Variants in SLC47A1 observed in about 807,000 individuals in gnomAD.
The protein encoded by SLC47A1 is solute carrier family 47 member 1.
Under a neutral mutation model 65.8 loss-of-function variants are expected in SLC47A1, and 58 were observed. The ratio of observed to expected loss-of-function variants is 0.88; its 90% confidence interval spans 0.71 to 1.10. The LOEUF is 1.10. SLC47A1 is among the 50% of genes least tolerant of loss of function. The pLI, the probability that SLC47A1 is intolerant of heterozygous loss-of-function variation, is 0.00. For synonymous variants in SLC47A1, 285 were observed against 295.0 expected, an observed-to-expected ratio of 0.97 and a Z score of 0.35; for missense variants, 706 against 719.2, an observed-to-expected ratio of 0.98 and a Z score of 0.21.
chr17:19,544,050 G>C (rs942076045), intron 2 of SLC47A1, among the ~76,000 whole-genome samples: 1 of 152,170 alleles, frequency 6.6e-6, no homozygotes, highest in Admixed American at 6.5e-5. Flanking sequence ...CCACCTCCCG[G>C]GTTCAAATGA....
chr17:19,533,968 T>G lies in SLC47A1; in HGVS notation c.29T>G (p.Val10Gly), dbSNP rs750264871. Residue 10 changes from valine (V) to glycine (G), a missense_variant, in exon 1 of 17, where the codon GTG becomes GGG. Val to Gly is a moderately radical substitution (Grantham distance 109). Coordinates refer to ENST00000270570, the MANE Select transcript of SLC47A1 (RefSeq NM_018242.3). The part of the protein sequence containing the change: MEAPEEPAP[V>G]RGGPEATLEV... ...GAAGCTCCTGAGGAGCCCGCGCCAG[T>G]GCGCGGAGGCCCGGAGGCCACCCTT... 26 of 1,536,384 alleles carry G rather than the reference T, an allele frequency of 1.7e-5. No homozygotes were observed. The highest frequency in any genetic ancestry group is 2.2e-4 in the Middle Eastern group (1 of 4,650).
chr17:19,538,110 G>A (rs963027699), intron 1 of SLC47A1, among the ~76,000 whole-genome samples: 4 of 152,238 alleles, frequency 2.6e-5, no homozygotes, highest in African/African-American at 9.6e-5. Context: ...AAGTCAAAAT[G>A]CCTCTAAAGG....
intron 4 of SLC47A1, 152 bp from the exon 5 acceptor site, chr17:19,549,483 C>T (rs769217172): frequency 3.0e-5 from 23 of 758,724 alleles, no homozygotes; most frequent in Non-Finnish European, 4.6e-5. Context: ...CGTGAGCCAC[C>T]GCGCCCGGCC....
rs772014453 is a variant in SLC47A1 at position 19,555,905 on chromosome 17, C to T, written c.849C>T (p.Leu283=). 1.9e-6 allele frequency: 3 copies of T among 1,614,042 alleles called. No homozygotes were observed. Among genetic ancestry groups the T allele is most frequent in the Non-Finnish European group, 1.7e-6 (2 of 1,180,010 alleles). ...EWWAYEVGSF[L]SGILGMVELG... is the part of the protein sequence containing the mutation. ...GGGCCTATGAGGTCGGGAGCTTCCT[C>T]AGTGGTCTGTATGAGGATGGATGAC... is the stretch of plus-strand genomic sequence containing the variant. Residue 283 remains leucine, a synonymous_variant, in exon 9 of 17, where the codon CTC becomes CTT. Transcript: ENST00000270570.
chr17:19,543,104 ATTTC>A (rs1916193178), intron 2 of SLC47A1, among the ~76,000 whole-genome samples: 1 of 102,234 alleles, frequency 9.8e-6, no homozygotes, highest in Non-Finnish European at 2.0e-5. Flanking sequence ...ACATCATCTT[ATTTC>A]TTTTCTTTTT....
chr17:19,565,445 G>A (rs2084348031), intron 12 of SLC47A1, among the ~76,000 whole-genome samples: 1 of 152,112 alleles, frequency 6.6e-6, no homozygotes, highest in African/African-American at 2.4e-5. Context: ...AGCTGATGGG[G>A]AACGGGGGAG....
chr17:19,553,886 AC>A (rs1342545527), intron 6 of SLC47A1, among the ~76,000 whole-genome samples: 7 of 151,866 alleles, frequency 4.6e-5, no homozygotes, highest in Admixed American at 1.3e-4. Flanking sequence ...ATTTCAGAGG[AC>A]CTTAACCTGT....
At chr17:19,545,206 T>G (rs1916254244) in intron 2 of SLC47A1, among the ~76,000 whole-genome samples, 1 of 152,172 alleles carries the variant, frequency 6.6e-6, no homozygotes, top group Admixed American at 6.5e-5. Context: ...AAAATTTTTT[T>G]TTTTTTGAGA....
intron 4 of SLC47A1, 132 bp downstream of exon 4, chr17:19,548,265 T>C: frequency 9.1e-7 from 1 of 1,100,234 alleles, no homozygotes; most frequent in Non-Finnish European, 1.3e-6. Flanking sequence ...TGACGTCTCC[T>C]AGGTCTTAGT....
intron 12 of SLC47A1, among the ~76,000 whole-genome samples, chr17:19,565,559 C>T (rs1264004355): frequency 6.9e-6 from 1 of 144,832 alleles, no homozygotes; most frequent in Non-Finnish European, 1.5e-5. Context: ...CACCTGCAGT[C>T]AATTTTGGTC....
At chr17:19,553,365 C>G (rs760177974) in intron 6 of SLC47A1, among the ~76,000 whole-genome samples, 1 of 152,116 alleles carries the variant, frequency 6.6e-6, no homozygotes, top group Non-Finnish European at 1.5e-5. Context: ...TCCATTCCAT[C>G]GCAATGGGTG....
chr17:19,545,972 C>T (rs1242114932), intron 2 of SLC47A1, among the ~76,000 whole-genome samples: 1 of 152,040 alleles, frequency 6.6e-6, no homozygotes, highest in African/African-American at 2.4e-5. Flanking sequence ...CCTGTAATCC[C>T]AGCACTTTGG....
At chr17:19,573,986 G>T (rs1233115216) in intron 16 of SLC47A1, among the ~76,000 whole-genome samples, 1 of 148,722 alleles carries the variant, frequency 6.7e-6, no homozygotes, top group African/African-American at 2.5e-5. Flanking sequence ...GCAATGGTGC[G>T]ATCTCAGCTC....
intron 2 of SLC47A1, 34 bp from the exon 3 acceptor site, chr17:19,546,401 C>T: frequency 6.2e-7 from 1 of 1,607,202 alleles, no homozygotes; most frequent in South Asian, 1.1e-5. Flanking sequence ...CCTCCTTTAA[C>T]TCTATAGGGC....
chr17:19,575,447 G>A (rs1454723213), intron 16 of SLC47A1, among the ~76,000 whole-genome samples: 1 of 148,382 alleles, frequency 6.7e-6, no homozygotes, highest in Non-Finnish European at 1.5e-5. Flanking sequence ...CACCCAGGCT[G>A]GAGTGCAGTG....
At chr17:19,560,979 G>C (rs1006954118) in intron 12 of SLC47A1, among the ~76,000 whole-genome samples, 1 of 151,782 alleles carries the variant, frequency 6.6e-6, no homozygotes, top group Non-Finnish European at 1.5e-5. Context: ...AAAAGAGGCC[G>C]GGCACAGTGG....
Position 19,548,996 on chromosome 17 carries a change from A to C in SLC47A1, c.456-639A>C, listed in dbSNP as rs971662207. The stretch of plus-strand genomic sequence containing the variant: ...TCTGGTTATCACAGCTGGCAGTAGG[A>C]GGGTGCTCCTGGTAGAAGGCAGGAG... On this transcript the variant is annotated intron_variant, in intron 4 of 16. Coordinates refer to ENST00000270570, the MANE Select transcript of SLC47A1 (RefSeq NM_018242.3). Among the ~76,000 whole-genome samples, 8 of 152,062 alleles carry C rather than the reference A, an allele frequency of 5.3e-5. No homozygotes were observed. The South Asian group carries it at 1.2e-3, about 24-fold the overall frequency.
chr17:19,573,714 A>G (rs923921213), intron 16 of SLC47A1, among the ~76,000 whole-genome samples: 2 of 151,142 alleles, frequency 1.3e-5, no homozygotes, highest in South Asian at 2.1e-4. Context: ...CAGACTTTAT[A>G]TTTGAAAATT....
intron 12 of SLC47A1, among the ~76,000 whole-genome samples, chr17:19,562,546 C>T (rs2084321199): frequency 6.9e-6 from 1 of 144,208 alleles, no homozygotes; most frequent in South Asian, 2.3e-4. Context: ...GCCTGGGCAA[C>T]AGAGTGAGAC....
Sources: gnomAD v4.1 joint callset for allele counts (sites outside exome capture counted in the v4.1 genomes callset) on GRCh38, gnomAD v4.1.1 for gene constraint, MANE v1.5 for transcripts, NCBI Gene and HGNC (gene_info 2026-07-23, HGNC 2026-07-21) for gene names.